The following MICAL3 variants were observed in gnomAD, a reference collection of about 807,000 sequenced individuals.
MICAL3 encodes microtubule associated monooxygenase, calponin and LIM domain containing 3, also known as [F-actin]-monooxygenase MICAL3.
A neutral mutation model predicts 207.4 loss-of-function variants in MICAL3; 62 were observed. The observed-to-expected ratio is 0.30, with a 90% CI of 0.24 to 0.37. MICAL3 has a LOEUF of 0.37. MICAL3 is among the 10% of genes least tolerant of loss of function. The probability of loss-of-function intolerance (pLI) is 1.00; values close to 1 mark genes in which losing one functional copy is unlikely to be tolerated. For synonymous variants in MICAL3, 1,077 were observed against 1,069.3 expected (o/e 1.01, Z -0.14); for missense variants, 2,368 against 2,635.6 (o/e 0.90, Z 2.22).
At position 17,818,594 on chromosome 22, in the gene MICAL3, G is replaced by A; in HGVS notation, c.4067C>T (p.Pro1356Leu). ...TTTGAGGGACACTGGCCTGAAGGCA[G>A]GCGTGGGGAAGCTGGGCTCGGGCCC... ...SKGPEPSFPT[P>L]AFRPVSLKSY... The change falls in exon 26 of 32, where the codon CCT (proline) becomes CTT (leucine). Residue 1356 changes from proline to leucine, a missense_variant. This residue lies in a region of MICAL3 where 1,770 missense variants were observed against 1,863.2 expected (regional missense o/e 0.95). Transcript: ENST00000441493. 6.2e-7 allele frequency: 1 copy of A among 1,613,688 alleles called. No homozygotes were observed. Among genetic ancestry groups the A allele is most frequent in the Non-Finnish European group, 8.5e-7 (1 of 1,179,900 alleles).
chr22:17,986,506 C>T (rs1484659134), intron 1 of MICAL3, among the ~76,000 whole-genome samples: 1 of 151,522 alleles, frequency 6.6e-6, no homozygotes, highest in African/African-American at 2.4e-5. Flanking sequence ...GGCAACAGAG[C>T]GAGAATCTGT....
chr22:17,979,619 T>TC (rs1935814907), intron 1 of MICAL3, among the ~76,000 whole-genome samples: 1 of 151,962 alleles, frequency 6.6e-6, no homozygotes, highest in Non-Finnish European at 1.5e-5. Flanking sequence ...TTAGAGGAAT[T>TC]CCCCACGGCA....
chr22:17,878,479 G>A (rs921814797), intron 16 of MICAL3, among the ~76,000 whole-genome samples: 4 of 152,136 alleles, frequency 2.6e-5, no homozygotes, highest in African/African-American at 9.7e-5. Context: ...GTGAGAGGGC[G>A]CAGGAAGATG....
At chr22:17,908,169 G>T (rs1419303282) in intron 1 of MICAL3, among the ~76,000 whole-genome samples, 1 of 152,170 alleles carries the variant, frequency 6.6e-6, no homozygotes, top group African/African-American at 2.4e-5. Context: ...GACAAGACGA[G>T]TGTGACCACA....
intron 29 of MICAL3, 121 bp downstream of exon 29, chr22:17,808,723 C>T (rs2062012951): frequency 2.6e-6 from 2 of 765,328 alleles, no homozygotes; most frequent in Non-Finnish European, 4.2e-6. Context: ...AGATGAAGGG[C>T]CCCAGAAAAT....
At chr22:17,989,694 C>T (rs1228289832) in intron 1 of MICAL3, among the ~76,000 whole-genome samples, 1 of 152,200 alleles carries the variant, frequency 6.6e-6, no homozygotes, top group Non-Finnish European at 1.5e-5. Flanking sequence ...GTTCAAACCC[C>T]CAACTCCTCT....
At chr22:17,936,377 A>G (rs1417840073) in intron 1 of MICAL3, among the ~76,000 whole-genome samples, 1 of 152,160 alleles carries the variant, frequency 6.6e-6, no homozygotes, top group East Asian at 1.9e-4. Flanking sequence ...CTGAACAATG[A>G]GACCACTTGG....
intron 29 of MICAL3, 129 bp downstream of exon 29, chr22:17,808,715 A>C (rs2062012864): frequency 4.1e-6 from 3 of 729,990 alleles, no homozygotes; most frequent in Non-Finnish European, 6.8e-6. Context: ...AATCTCAGAG[A>C]TGAAGGGCCC....
Position 17,866,620 on chromosome 22 carries a change from GAATA to G in MICAL3, c.2429-612_2429-609del, listed in dbSNP as rs1569103095. On this transcript the variant is annotated intron_variant, in intron 17 of 31. Coordinates refer to ENST00000441493, the MANE Select transcript of MICAL3 (RefSeq NM_015241.3). Reference sequence around the variant, plus strand: ...GAACAGCATAGAACAGAACAGAATAGAATAGAATAGAATAGAATAGAATAGAATA... The same window carrying G: ...GAACAGCATAGAACAGAACAGAATAGGAATAGAATAGAATAGAATAGAATA... 2.9e-3 allele frequency among the ~76,000 whole-genome samples: 399 copies of G among 135,962 alleles called. 2 individuals are homozygous for G. The highest frequency in any genetic ancestry group is 0.011 in the African/African-American group (381 of 35,258). 89.2% of individuals were successfully genotyped at this position (135,962 alleles called of 152,430 possible).
At chr22:17,792,785 C>G (rs1273234140) in intron 29 of MICAL3, among the ~76,000 whole-genome samples, 2 of 152,270 alleles carry the variant, frequency 1.3e-5, no homozygotes, top group African/African-American at 4.8e-5. Flanking sequence ...GGAAACCCCC[C>G]AGCCTGTCCA....
chr22:17,827,795 G>C lies in MICAL3; in HGVS notation c.3056-14C>G. The C allele has an allele frequency of 6.5e-7, 1 of 1,538,978 alleles. No individual in the cohort carries two copies. On this transcript the variant is annotated splice_polypyrimidine_tract_variant and intron_variant, in intron 21 of 31. Transcript: ENST00000441493. Reference sequence around the variant, plus strand: ...TCTGGTTCCCGGCTAGTGTCCCAGGGTCAAGGGGTGGAGAAATGAGGTGGG... The same window carrying C: ...TCTGGTTCCCGGCTAGTGTCCCAGGCTCAAGGGGTGGAGAAATGAGGTGGG...
rs1291298457 is a variant in MICAL3 at position 17,818,991 on chromosome 22, G to A, written c.3670C>T (p.Arg1224Ter). 3 of 1,609,398 alleles carry A rather than the reference G, an allele frequency of 1.9e-6. No individual in the cohort carries two copies. The highest frequency in any genetic ancestry group is 1.7e-5 in the Admixed American group (1 of 59,434). The change falls in exon 26 of 32, where the codon CGA becomes TGA. Residue 1224 changes from arginine (R) to a stop codon, truncating the protein, a stop_gained. Transcript: ENST00000441493. LOFTEE classifies it high-confidence loss of function. Reference sequence around the variant, plus strand: ...TCTGGCAGGGTCACTGGCTGTGATCGGATGGGAGAGTGCACAGCTTTCAGA... The same window carrying A: ...TCTGGCAGGGTCACTGGCTGTGATCAGATGGGAGAGTGCACAGCTTTCAGA... ...SDLKAVHSPI[R>*]SQPVTLPEAR...
chr22:17,951,243 G>A (rs1224672304), intron 1 of MICAL3, among the ~76,000 whole-genome samples: 2 of 152,156 alleles, frequency 1.3e-5, no homozygotes, highest in African/African-American at 4.8e-5. Context: ...ACAGCCGGGA[G>A]CACTGGATTA....
Position 17,790,830 on chromosome 22 carries a change from C to T in MICAL3, c.5911G>A (p.Val1971Met). 1 of 1,613,876 alleles carries T rather than the reference C, an allele frequency of 6.2e-7. No homozygotes were observed. The highest frequency in any genetic ancestry group is 8.5e-7 in the Non-Finnish European group (1 of 1,179,886). Residue 1971 changes from valine (V) to methionine (M), a missense_variant, in exon 32 of 32, where the codon GTG becomes ATG. Physicochemically the swap from Val to Met is conservative, Grantham distance 21. This residue lies in a region of MICAL3 where 1,770 missense variants were observed against 1,863.2 expected (regional missense o/e 0.95). Transcript: ENST00000441493. ...AGCCGCTGCTCCTCCAGCAGCGCCA[C>T]CAGTGAGTCTCTCTGCTCCACCACC... is the stretch of plus-strand genomic sequence containing the variant. ...LEVVEQRDSLVALLEEQRLRE... is the reference protein window; with the variant it reads ...LEVVEQRDSLMALLEEQRLRE...
At position 17,864,787 on chromosome 22, in the gene MICAL3, T is replaced by C. The variant is rs766391073; in HGVS notation, c.2605+112A>G. 9.3e-6 allele frequency: 15 copies of C among 1,613,790 alleles called. No individual in the cohort carries two copies. In the African/African-American group the frequency reaches 1.9e-4, roughly 20 times the overall value. On this transcript the variant is annotated intron_variant, in intron 19 of 31. Coordinates refer to ENST00000441493, the MANE Select transcript of MICAL3 (RefSeq NM_015241.3). Reference sequence around the variant, plus strand: ...GGAGTCCAGAGGGTTTTGGGCCACTTGTTGCCCGAATGAAGAAATGTTGCT... The same window carrying C: ...GGAGTCCAGAGGGTTTTGGGCCACTCGTTGCCCGAATGAAGAAATGTTGCT...
At chr22:17,944,641 C>T (rs1018708623) in intron 1 of MICAL3, among the ~76,000 whole-genome samples, 15 of 152,166 alleles carry the variant, frequency 9.9e-5, no homozygotes, top group Non-Finnish European at 1.9e-4. Flanking sequence ...CACCCACTGA[C>T]GATAGGACTG....
chr22:17,869,902 G>A (rs984819432), intron 17 of MICAL3, among the ~76,000 whole-genome samples: 5 of 152,136 alleles, frequency 3.3e-5, no homozygotes, highest in African/African-American at 7.2e-5. Flanking sequence ...ACAAGGCCTC[G>A]GTTACTTCCT....
At chr22:17,864,683 C>T (rs1371881203) in intron 19 of MICAL3, 10 of 1,610,082 alleles carry the variant, frequency 6.2e-6, no homozygotes, top group Non-Finnish European at 8.5e-6. Context: ...CAGTGGAACT[C>T]CCCTCTGATT....
At chr22:18,003,159 CAAA>C (rs770213307) in intron 1 of MICAL3, among the ~76,000 whole-genome samples, 9 of 107,050 alleles carry the variant, frequency 8.4e-5, no homozygotes, top group South Asian at 3.2e-4. Flanking sequence ...GACTCCATCT[CAAA>C]AAAAAAAAAA....
Sources: gnomAD v4.1 joint callset for allele counts (sites outside exome capture counted in the v4.1 genomes callset) on GRCh38, gnomAD v4.1.1 for gene constraint, gnomAD v4.1.1 regional missense constraint, MANE v1.5 for transcripts, NCBI Gene and HGNC (gene_info 2026-07-23, HGNC 2026-07-21) for gene names.